Variants in TMEM71 observed in about 807,000 individuals in gnomAD.
TMEM71 encodes transmembrane protein 71.
Under a neutral mutation model 38.0 loss-of-function variants are expected in TMEM71, and 44 were observed. That is an observed-to-expected ratio of 1.16 (90% CI 0.91 to 1.49). The LOEUF (loss-of-function observed/expected upper bound fraction) is 1.49, where lower values mean the gene tolerates loss of function less well. TMEM71 is among the 40% of genes most tolerant of loss of function. TMEM71 has a pLI of 0.00. For missense variants in TMEM71, 367 were observed against 348.6 expected (o/e 1.05, Z -0.42); for synonymous variants, 133 against 122.5 (o/e 1.09, Z -0.56).
At chr8:132,713,683 A>C (rs913266515) in intron 9 of TMEM71, among the ~76,000 whole-genome samples, 1 of 152,204 alleles carries the variant, frequency 6.6e-6, no homozygotes, top group Non-Finnish European at 1.5e-5. Context: ...TCTAACACAA[A>C]GGTTTCTTCA....
At chr8:132,744,765 C>T (rs1828241550) in intron 5 of TMEM71, among the ~76,000 whole-genome samples, 1 of 152,154 alleles carries the variant, frequency 6.6e-6, no homozygotes, top group African/African-American at 2.4e-5. Context: ...CATCATACTA[C>T]CCAACTTCAA....
intron 3 of TMEM71, among the ~76,000 whole-genome samples, chr8:132,755,235 T>C (rs963664784): frequency 6.6e-5 from 10 of 152,138 alleles, no homozygotes; most frequent in African/African-American, 2.2e-4. Context: ...TGCCCCTACC[T>C]TTATCTATCC....
rs1401534782 is a variant in TMEM71 at position 132,727,918 on chromosome 8, T to C, written c.556A>G (p.Ile186Val). 9 of 1,613,892 alleles carry C rather than the reference T, an allele frequency of 5.6e-6. No individual in the cohort carries two copies. In the Admixed American group the frequency reaches 8.3e-5, roughly 15 times the overall value. Residue 186 changes from isoleucine to valine, a missense_variant, in exon 6 of 10, where the codon ATC (isoleucine) becomes GTC (valine). Coordinates refer to ENST00000677595, the MANE Select transcript of TMEM71 (RefSeq NM_001382403.1). Reference sequence around the variant, plus strand: ...ATGATGTGGCTGGAAGAGGAGGTGATCACAGACTCTGCATTCATCTTCCCT... The same window carrying C: ...ATGATGTGGCTGGAAGAGGAGGTGACCACAGACTCTGCATTCATCTTCCCT... ...ESGKMNAESV[I>V]TSSSSHIISQ...
intron 5 of TMEM71, among the ~76,000 whole-genome samples, chr8:132,739,546 C>G (rs1416266808): frequency 6.6e-6 from 1 of 152,026 alleles, no homozygotes; most frequent in African/African-American, 2.4e-5. Context: ...CTCCTGACCT[C>G]GTGATCCGCC....
In TMEM71 at chr8:132,727,845, T is replaced by A; in HGVS notation, c.629A>T (p.Gln210Leu). The A allele has an allele frequency of 1.2e-6, 2 of 1,613,944 alleles. No homozygotes were observed. The highest frequency in any genetic ancestry group is 1.3e-5 in the African/African-American group (1 of 75,032). Reference sequence around the variant, plus strand: ...TTGGAAACGTTCAGAAGCTGTCAACTGGGACTGAAGAGACAAGCTATGGGA... The same window carrying A: ...TTGGAAACGTTCAGAAGCTGTCAACAGGGACTGAAGAGACAAGCTATGGGA... ...GNSHSLSLQSQLTASERFQEN... is the reference protein window; with the variant it reads ...GNSHSLSLQSLLTASERFQEN... The change falls in exon 6 of 10, where the codon CAG becomes CTG. Residue 210 changes from glutamine to leucine, a missense_variant. Coordinates refer to ENST00000677595, the MANE Select transcript of TMEM71 (RefSeq NM_001382403.1).
rs756659176 is a variant in TMEM71, at chr8:132,727,915, T to C, written c.559A>G (p.Thr187Ala). 1 of 1,613,572 alleles carries C rather than the reference T, an allele frequency of 6.2e-7. No individual in the cohort carries two copies. Among genetic ancestry groups the C allele is most frequent in the Non-Finnish European group, 8.5e-7 (1 of 1,179,926 alleles). The change falls in exon 6 of 10, where the codon ACC becomes GCC. Residue 187 changes from threonine to alanine, a missense_variant. Coordinates refer to ENST00000677595, the MANE Select transcript of TMEM71 (RefSeq NM_001382403.1). ...SGKMNAESVI[T>A]SSSSHIISQP... ...GATATGATGTGGCTGGAAGAGGAGG[T>C]GATCACAGACTCTGCATTCATCTTC...
At chr8:132,744,208 A>C (rs1026738054) in intron 5 of TMEM71, among the ~76,000 whole-genome samples, 1 of 152,210 alleles carries the variant, frequency 6.6e-6, no homozygotes, top group South Asian at 2.1e-4. Context: ...TAAGTGTCCA[A>C]TAAATATCTG....
chr8:132,726,215 T>C (rs1292721656), intron 6 of TMEM71, among the ~76,000 whole-genome samples: 1 of 151,844 alleles, frequency 6.6e-6, no homozygotes, highest in African/African-American at 2.4e-5. Context: ...GTTGATAACC[T>C]GTCATTTCAA....
the TMEM71 span, among the ~76,000 whole-genome samples, chr8:132,769,603 G>A: frequency 6.6e-6 from 1 of 152,176 alleles, no homozygotes; most frequent in South Asian, 2.1e-4. Flanking sequence ...TGAAGGTTGA[G>A]CCTTCATGAA....
downstream of TMEM71, among the ~76,000 whole-genome samples, chr8:132,708,436 A>C (rs1826126312): frequency 6.6e-6 from 1 of 152,220 alleles, no homozygotes; most frequent in South Asian, 2.1e-4. Flanking sequence ...GAGGAGAATC[A>C]GTGGATGTTG....
chr8:132,714,055 T>A lies in TMEM71; in HGVS notation c.815-3A>T, dbSNP rs1246158211. 3 of 1,613,986 alleles carry A rather than the reference T, an allele frequency of 1.9e-6. No homozygotes were observed. In the African/African-American group the frequency reaches 4.0e-5, roughly 22 times the overall value. The stretch of plus-strand genomic sequence containing the variant: ...GCTGAGAAACAATGATTTCACATCT[T>A]GAGTGAAACAGAGAAAATATTTTAA... On this transcript the variant is annotated splice_polypyrimidine_tract_variant and splice_region_variant and intron_variant, in intron 8 of 9. Transcript: ENST00000677595.
At chr8:132,756,747 C>T (rs972616249) in intron 3 of TMEM71, among the ~76,000 whole-genome samples, 3 of 151,674 alleles carry the variant, frequency 2.0e-5, no homozygotes, top group Admixed American at 6.6e-5. Context: ...CCATCATGCC[C>T]GGCTAATTTT....
chr8:132,755,306 A>C (rs1441927798), intron 3 of TMEM71, among the ~76,000 whole-genome samples: 1 of 152,246 alleles, frequency 6.6e-6, no homozygotes, highest in Non-Finnish European at 1.5e-5. Context: ...GTTTAAAAAA[A>C]GGACCCCTCT....
chr8:132,743,021 C>T (rs75045657), intron 5 of TMEM71, among the ~76,000 whole-genome samples: 9 of 152,074 alleles, frequency 5.9e-5, no homozygotes, highest in African/African-American at 1.4e-4. Flanking sequence ...TTCACTATCA[C>T]GAAAACAGCA....
intron 7 of TMEM71, 117 bp downstream of exon 7, chr8:132,721,923 G>T (rs1341483295): frequency 1.2e-6 from 1 of 866,708 alleles, no homozygotes; most frequent in South Asian, 1.3e-5. Context: ...ACACATGAAC[G>T]AATCTCAACC....
At chr8:132,737,426 G>C (rs550161826) in intron 5 of TMEM71, among the ~76,000 whole-genome samples, 9 of 152,182 alleles carry the variant, frequency 5.9e-5, no homozygotes, top group Admixed American at 3.3e-4. Context: ...TTATCAAGCT[G>C]TGCTTCATTA....
chr8:132,723,689 C>T (rs1826973309), intron 6 of TMEM71, among the ~76,000 whole-genome samples: 1 of 152,182 alleles, frequency 6.6e-6, no homozygotes. Flanking sequence ...TTCCTGTTCT[C>T]TGGGGACAGT....
At chr8:132,731,897 C>T (rs1386876762) in intron 5 of TMEM71, among the ~76,000 whole-genome samples, 4 of 152,096 alleles carry the variant, frequency 2.6e-5, no homozygotes, top group Admixed American at 2.0e-4. Flanking sequence ...AGATACGAAA[C>T]CAGCTGGGAG....
chr8:132,722,176 G>GA (rs1826891279), intron 6 of TMEM71, 61 bp from the exon 7 acceptor site: 4 of 1,172,200 alleles, frequency 3.4e-6, no homozygotes, highest in Admixed American at 2.0e-5. Context: ...CATCTTGGAA[G>GA]AAAAAATCAT....
Sources: gnomAD v4.1 joint callset for allele counts (sites outside exome capture counted in the v4.1 genomes callset) on GRCh38, gnomAD v4.1.1 for gene constraint, MANE v1.5 for transcripts, NCBI Gene and HGNC (gene_info 2026-07-23, HGNC 2026-07-21) for gene names.